The following PLCB1 variants were observed in gnomAD, a reference collection of about 807,000 sequenced individuals.
PLCB1 encodes phospholipase C beta 1.
Under a neutral mutation model 161.8 loss-of-function variants are expected in PLCB1, and 46 were observed. That is an observed-to-expected ratio of 0.28 (90% CI 0.22 to 0.36). The LOEUF is 0.36. Ranked by LOEUF, PLCB1 falls within the 10% of genes least tolerant of loss-of-function variation. PLCB1 has a pLI of 1.00. For missense variants in PLCB1, 1,016 were observed against 1,472.5 expected, an observed-to-expected ratio of 0.69 and a Z score of 5.07; for synonymous variants, 517 against 503.7, an observed-to-expected ratio of 1.03 and a Z score of -0.35.
intron 2 of PLCB1, among the ~76,000 whole-genome samples, chr20:8,345,819 G>A (rs1451883680): frequency 3.3e-5 from 5 of 152,106 alleles, no homozygotes; most frequent in Non-Finnish European, 7.4e-5. Flanking sequence ...GGAGAGCAGA[G>A]GCATCTGCAA....
intron 23 of PLCB1, chr20:8,751,030 G>A (rs1441541612): frequency 1.8e-5 from 6 of 341,418 alleles, no homozygotes; most frequent in Non-Finnish European, 2.8e-5. Context: ...CCGCCTCCCG[G>A]GTTCACGCCA....
chr20:8,544,016 A>G (rs1481899843), intron 3 of PLCB1, among the ~76,000 whole-genome samples: 3 of 152,164 alleles, frequency 2.0e-5, no homozygotes, highest in Non-Finnish European at 4.4e-5. Flanking sequence ...TAACCAGGAT[A>G]TAACTTAAAT....
chr20:8,620,747 CAAAAAAAAAAA>C (rs779029928), intron 3 of PLCB1, among the ~76,000 whole-genome samples: 74 of 75,248 alleles, frequency 9.8e-4, no homozygotes, highest in African/African-American at 3.7e-3. Flanking sequence ...CTGCCCCCAC[CAAAAAAAAAAA>C]AAAAAAAAAA....
At chr20:8,727,446 C>A in intron 17 of PLCB1, 53 bp downstream of exon 17, 1 of 980,484 alleles carries the variant, frequency 1.0e-6, no homozygotes, top group Non-Finnish European at 1.6e-6. Context: ...AAGTCTTGTG[C>A]TATTTGTTCA....
At chr20:8,647,772 AC>A in intron 5 of PLCB1, 127 bp from the exon 6 acceptor site, 1 of 696,786 alleles carries the variant, frequency 1.4e-6, no homozygotes. Flanking sequence ...AACTGTGGAG[AC>A]TTGGGCAGTT....
intron 2 of PLCB1, among the ~76,000 whole-genome samples, chr20:8,171,719 G>T (rs1394489462): frequency 6.6e-6 from 1 of 152,096 alleles, no homozygotes; most frequent in Non-Finnish European, 1.5e-5. Flanking sequence ...TCTCATTGTA[G>T]TCTCCTTTAT....
At chr20:8,474,413 A>C (rs1982181479) in intron 3 of PLCB1, among the ~76,000 whole-genome samples, 1 of 152,110 alleles carries the variant, frequency 6.6e-6, no homozygotes, top group African/African-American at 2.4e-5. Context: ...AATCATGTGG[A>C]TATTTGTTGG....
rs2146341265 is a variant in PLCB1, at chr20:8,884,680, T to C, written c.*2831T>C. 1 of 152,728 alleles carries C rather than the reference T, an allele frequency of 6.5e-6. No individual in the cohort carries two copies. Among genetic ancestry groups the C allele is most frequent in the East Asian group, 1.9e-4 (1 of 5,184 alleles). 9.5% of individuals were successfully genotyped at this position (152,728 alleles called of 1,614,324 possible). A position where few individuals can be genotyped will look rare whatever the true frequency, so the allele number is the denominator to read the frequency against. ...ATATTGTTTGTGATGGATTGGACGT[T>C]GTGACTCTTGCCTTTTAAGAAGAAA... On this transcript the variant is annotated 3_prime_UTR_variant, in exon 32 of 32. Transcript: ENST00000338037.
At chr20:8,866,539 TAGA>T (rs1157606394) in intron 31 of PLCB1, among the ~76,000 whole-genome samples, 5 of 152,140 alleles carry the variant, frequency 3.3e-5, no homozygotes, top group African/African-American at 1.2e-4. Context: ...ACTGACAAAT[TAGA>T]AGGTTTAACA....
chr20:8,800,868 T>C (rs2146238434), intron 31 of PLCB1, among the ~76,000 whole-genome samples: 1 of 152,298 alleles, frequency 6.6e-6, no homozygotes, highest in East Asian at 1.9e-4. Flanking sequence ...TTATAATTGT[T>C]GAGTACCAAC....
intron 27 of PLCB1, among the ~76,000 whole-genome samples, chr20:8,780,400 C>G (rs929656636): frequency 2.6e-5 from 4 of 152,126 alleles, no homozygotes; most frequent in Admixed American, 1.3e-4. Context: ...AAGAGATTTC[C>G]TCATTTCTTT....
At chr20:8,259,077 T>C (rs1334796697) in intron 2 of PLCB1, among the ~76,000 whole-genome samples, 2 of 152,228 alleles carry the variant, frequency 1.3e-5, no homozygotes, top group East Asian at 3.8e-4. Context: ...TAACGCCTTT[T>C]AGATTTATCC....
chr20:8,387,970 C>T (rs1271779513), intron 3 of PLCB1, among the ~76,000 whole-genome samples: 2 of 133,118 alleles, frequency 1.5e-5, no homozygotes, highest in Admixed American at 7.6e-5. Flanking sequence ...TGTTTTACCA[C>T]TTTTTTTAAA....
intron 19 of PLCB1, among the ~76,000 whole-genome samples, chr20:8,736,697 A>G (rs1245539709): frequency 6.6e-6 from 1 of 152,148 alleles, no homozygotes; most frequent in Non-Finnish European, 1.5e-5. Context: ...TGAGGGGGGA[A>G]CTGCCACACA....
At chr20:8,791,731 A>T (rs1322017094) in intron 31 of PLCB1, among the ~76,000 whole-genome samples, 2 of 152,068 alleles carry the variant, frequency 1.3e-5, no homozygotes, top group Non-Finnish European at 2.9e-5. Context: ...TAATGTGTTT[A>T]AATTATATAA....
At chr20:8,811,391 A>G (rs540835932) in intron 31 of PLCB1, among the ~76,000 whole-genome samples, 3 of 152,326 alleles carry the variant, frequency 2.0e-5, no homozygotes, top group African/African-American at 7.2e-5. Flanking sequence ...CTTCTAATTC[A>G]TGGTTCGGTC....
chr20:8,707,436 A>T (rs1369792597), intron 11 of PLCB1, among the ~76,000 whole-genome samples: 1 of 151,756 alleles, frequency 6.6e-6, no homozygotes, highest in African/African-American at 2.4e-5. Context: ...CTACTACTGA[A>T]AGTGATATAA....
chr20:8,421,936 T>C (rs1412519594), intron 3 of PLCB1, among the ~76,000 whole-genome samples: 1 of 152,212 alleles, frequency 6.6e-6, no homozygotes, highest in East Asian at 1.9e-4. Context: ...CTTCACTTCG[T>C]TGAAGTTAAA....
chr20:8,260,627 TC>T (rs2123241169), intron 2 of PLCB1, among the ~76,000 whole-genome samples: 1 of 152,102 alleles, frequency 6.6e-6, no homozygotes, highest in South Asian at 2.1e-4. Context: ...GACAAGCAAA[TC>T]CTAGCTTAGA....
Sources: gnomAD v4.1 joint callset for allele counts (sites outside exome capture counted in the v4.1 genomes callset) on GRCh38, gnomAD v4.1.1 for gene constraint, MANE v1.5 for transcripts, NCBI Gene and HGNC (gene_info 2026-07-23, HGNC 2026-07-21) for gene names.